GOLGA2: variants seen among roughly 807,000 people sequenced by gnomAD.
The protein encoded by GOLGA2 is golgin subfamily A member 2.
A neutral mutation model predicts 148.8 loss-of-function variants in GOLGA2; 49 were observed. That is an observed-to-expected ratio of 0.33 (90% CI 0.26 to 0.42). The LOEUF is 0.42. Ranked by LOEUF, GOLGA2 falls within the 10% of genes least tolerant of loss-of-function variation. The pLI is 1.00. For synonymous variants in GOLGA2, 501 were observed against 511.8 expected (o/e 0.98, Z 0.28); for missense variants, 1,178 against 1,304.6 (o/e 0.90, Z 1.49).
rs1370999651 is a variant in GOLGA2, at chr9:128,266,512, T to C, written c.643-187A>G. 1.6e-6 allele frequency: 1 copy of C among 613,182 alleles called. No individual in the cohort carries two copies. Among genetic ancestry groups the C allele is most frequent in the East Asian group, 2.7e-5 (1 of 36,556 alleles). The allele number at this position is 613,182 out of a possible 1,614,324, so 38.0% of individuals were successfully genotyped here. A position where few individuals can be genotyped will look rare whatever the true frequency, so the allele number is the denominator to read the frequency against. ...AGGGGATTTGTGTCTTTGTTGGTTTTTGCCCACAGCCACAGAACTGAAAGT... is the reference window on the plus strand; with the variant it reads ...AGGGGATTTGTGTCTTTGTTGGTTTCTGCCCACAGCCACAGAACTGAAAGT... On this transcript the variant is annotated intron_variant, in intron 8 of 26. Coordinates refer to ENST00000611957, the MANE Select transcript of GOLGA2 (RefSeq NM_001366244.2). This position sits in a 1 kb window ranked among gnomAD's most constrained non-coding sequence, Gnocchi z 4.2.
Position 128,261,776 on chromosome 9 carries a change from G to A in GOLGA2, c.1135-19C>T. 1 of 1,571,096 alleles carries A rather than the reference G, an allele frequency of 6.4e-7. No individual in the cohort carries two copies. The highest frequency in any genetic ancestry group is 8.8e-7 in the Non-Finnish European group (1 of 1,140,708). ...TTGAAAACTGGATGGTGAAGAGCGA[G>A]AAGTTTAGATCTGGGGAGCCCAGGC... is the stretch of plus-strand genomic sequence containing the variant. On this transcript the variant is annotated intron_variant, in intron 14 of 26. Transcript: ENST00000611957. The surrounding 1 kb of genome is among the most constrained non-coding windows in gnomAD (Gnocchi z 5.7).
rs1167431950 is a variant in GOLGA2 at position 128,259,063 on chromosome 9, G to A, written c.2117C>T (p.Thr706Ile). 2 of 1,611,748 alleles carry A rather than the reference G, an allele frequency of 1.2e-6. No homozygotes were observed. The highest frequency in any genetic ancestry group is 1.3e-5 in the African/African-American group (1 of 74,902). ...GGCCCGTAGCTGCTGATTCTGCTGG[G>A]TGGCAGCTTCCAGGCGCTCCTAAGG... is the stretch of plus-strand genomic sequence containing the variant. ...QETQERLEAA[T>I]QQNQQLRAQL... The change falls in exon 21 of 27, where the codon ACC becomes ATC. Residue 706 changes from threonine (T) to isoleucine (I), a missense_variant. Around this residue, in one of 5 missense-constraint regions of GOLGA2, gnomAD observed 529 missense variants for 521.8 expected, o/e 1.01. Transcript: ENST00000611957.
rs774867547 is a variant in GOLGA2, at chr9:128,267,214, T to C, written c.622A>G (p.Asn208Asp). The change falls in exon 8 of 27, where the codon AAT (asparagine) becomes GAT (aspartate). Residue 208 changes from asparagine (N) to aspartate (D), a missense_variant. Around this residue, in one of 5 missense-constraint regions of GOLGA2, gnomAD observed 304 missense variants for 404.1 expected, o/e 0.75. Transcript: ENST00000611957. Reference sequence around the variant, plus strand: ...CTTACCAATTTCTCTATCGTGATATTGAGTTGTTTGTTTGTTACATAGCTG... The same window carrying C: ...CTTACCAATTTCTCTATCGTGATATCGAGTTGTTTGTTTGTTACATAGCTG... ...DSSYVTNKQLNITIEKLKQQN... is the reference protein window; with the variant it reads ...DSSYVTNKQLDITIEKLKQQN... The C allele has an allele frequency of 5.6e-6, 9 of 1,600,748 alleles. No individual in the cohort carries two copies. Among genetic ancestry groups the C allele is most frequent in the Non-Finnish European group, 7.7e-6 (9 of 1,167,986 alleles).
At chr9:128,259,524 C>A (rs547428164) in intron 19 of GOLGA2, 133 bp from the exon 20 acceptor site, 6 of 621,036 alleles carry the variant, frequency 9.7e-6, no homozygotes, top group African/African-American at 9.2e-5. Context: ...TGACTGCCTC[C>A]CTTGTCTAGA....
intron 6 of GOLGA2, among the ~76,000 whole-genome samples, chr9:128,267,729 T>C (rs181203992): frequency 1.2e-4 from 19 of 152,296 alleles, no homozygotes; most frequent in African/African-American, 4.6e-4. Context: ...TGCAGCAGGA[T>C]ACAATGATGC....
intron 1 of GOLGA2, 143 bp from the exon 2 acceptor site, chr9:128,274,115 T>A: frequency 1.3e-6 from 1 of 787,284 alleles, no homozygotes; most frequent in Non-Finnish European, 2.1e-6. Flanking sequence ...CACAATCACT[T>A]AGTGACTGAG....
rs780025622 is a variant in GOLGA2, at chr9:128,267,494, C to A, written c.525G>T (p.Glu175Asp). ...TCAGGTTAGCAGACGATGCAGGGCCCTCCCCATTGACACATGTCGCAGACT... is the reference window on the plus strand; with the variant it reads ...TCAGGTTAGCAGACGATGCAGGGCCATCCCCATTGACACATGTCGCAGACT... ...VCESATCVNG[E>D]GPASSANLKD... Residue 175 changes from glutamate (E) to aspartate (D), a missense_variant, in exon 7 of 27, where the codon GAG (glutamate) becomes GAT (aspartate). Glu to Asp is a conservative substitution (Grantham distance 45). This residue lies in a region of GOLGA2 where 304 missense variants were observed against 404.1 expected (regional missense o/e 0.75). Transcript: ENST00000611957. 1.2e-6 allele frequency: 2 copies of A among 1,613,436 alleles called. No homozygotes were observed. Among genetic ancestry groups the A allele is most frequent in the Non-Finnish European group, 1.7e-6 (2 of 1,179,366 alleles).
intron 14 of GOLGA2, 60 bp downstream of exon 14, chr9:128,262,503 C>T: frequency 6.4e-7 from 1 of 1,553,494 alleles, no homozygotes. Context: ...CTGCATGATC[C>T]CTAGACCATG....
In GOLGA2 at chr9:128,272,826, G is replaced by T; in HGVS notation, c.247C>A (p.Arg83Ser). Reference sequence around the variant, plus strand: ...GGGGGGAGCGCTACCCCATTGGAACGGTTAAGGTCGGACACCAGCACCTTC... The same window carrying T: ...GGGGGGAGCGCTACCCCATTGGAACTGTTAAGGTCGGACACCAGCACCTTC... Reference protein sequence around the residue: ...ILKVLVSDLNRSNGVALPPLD... With the variant: ...ILKVLVSDLNSSNGVALPPLD... Residue 83 changes from arginine to serine, a missense_variant, in exon 3 of 27, where the codon CGT (arginine) becomes AGT (serine). Arg to Ser is a moderately radical substitution (Grantham distance 110, BLOSUM62 -1). Transcript: ENST00000611957. 7.8e-7 allele frequency: 1 copy of T among 1,282,434 alleles called. No individual in the cohort carries two copies. Among genetic ancestry groups the T allele is most frequent in the Non-Finnish European group, 1.0e-6 (1 of 984,382 alleles). 79.4% of individuals were successfully genotyped at this position (1,282,434 alleles called of 1,614,324 possible). A position where few individuals can be genotyped will look rare whatever the true frequency, so the allele number is the denominator to read the frequency against.
intron 1 of GOLGA2, among the ~76,000 whole-genome samples, chr9:128,274,568 G>C (rs1831184858): frequency 6.6e-6 from 1 of 152,190 alleles, no homozygotes; most frequent in Non-Finnish European, 1.5e-5. Flanking sequence ...ACTGTACACT[G>C]TGTGGTTTAG....
At position 128,261,852 on chromosome 9, in the gene GOLGA2, C is replaced by T; in HGVS notation, c.1135-95G>A. Reference sequence around the variant, plus strand: ...GGCTAGGGCTAGGCTCAATGTGCAACTCAGTCAATACAACTCTGCTGTCAA... The same window carrying T: ...GGCTAGGGCTAGGCTCAATGTGCAATTCAGTCAATACAACTCTGCTGTCAA... On this transcript the variant is annotated intron_variant, in intron 14 of 26. Transcript: ENST00000611957. This position sits in a 1 kb window ranked among gnomAD's most constrained non-coding sequence, Gnocchi z 5.7. The T allele has an allele frequency of 1.3e-6, 1 of 742,432 alleles. No homozygotes were observed. Among genetic ancestry groups the T allele is most frequent in the Non-Finnish European group, 2.4e-6 (1 of 410,904 alleles). The allele number at this position is 742,432 out of a possible 1,614,324, so 46.0% of individuals were successfully genotyped here. A position where few individuals can be genotyped will look rare whatever the true frequency, so the allele number is the denominator to read the frequency against.
At chr9:128,270,605 C>G (rs1175690354) in intron 3 of GOLGA2, among the ~76,000 whole-genome samples, 4 of 152,138 alleles carry the variant, frequency 2.6e-5, no homozygotes, top group Admixed American at 6.6e-5. Flanking sequence ...TTATTCCCTA[C>G]TTCTGGAAAT....
intron 12 of GOLGA2, among the ~76,000 whole-genome samples, chr9:128,263,673 C>T (rs1228038413): frequency 6.6e-6 from 1 of 151,788 alleles, no homozygotes; most frequent in Non-Finnish European, 1.5e-5. Flanking sequence ...CCGTCTCAGC[C>T]TCCCAAAGTG....
chr9:128,258,388 C>T lies in GOLGA2; in HGVS notation c.2289+67G>A. ...AATCAGAAGGCCGGGAAACCAAGAG[C>T]AGAAGGGGGTCTGGGAGGGACCACA... On this transcript the variant is annotated intron_variant, in intron 22 of 26. Transcript: ENST00000611957. This position sits in a 1 kb window ranked among gnomAD's most constrained non-coding sequence, Gnocchi z 6.6. 8 of 1,414,014 alleles carry T rather than the reference C, an allele frequency of 5.7e-6. No homozygotes were observed. The highest frequency in any genetic ancestry group is 8.0e-6 in the Non-Finnish European group (8 of 1,001,690). 87.6% of individuals were successfully genotyped at this position (1,414,014 alleles called of 1,614,324 possible).
chr9:128,264,226 C>T (rs1399640178), intron 12 of GOLGA2, among the ~76,000 whole-genome samples: 2 of 149,990 alleles, frequency 1.3e-5, no homozygotes, highest in Admixed American at 6.7e-5. Flanking sequence ...TATGTATGTA[C>T]GTATGTATGT....
rs551642844 is a variant in GOLGA2, at chr9:128,262,955, T to A, written c.992+79A>T. On this transcript the variant is annotated intron_variant, in intron 13 of 26. Transcript: ENST00000611957. ...ACCTCTATGACTACCTCATCATGCT[T>A]ACCTGTACCCCCCACCTCCCAGCAC... is the stretch of plus-strand genomic sequence containing the variant. 3.0e-4 allele frequency: 303 copies of A among 1,001,448 alleles called. 2 individuals carry two copies. Among genetic ancestry groups the A allele is most frequent in the Non-Finnish European group, 4.4e-4 (274 of 625,444 alleles). The allele number at this position is 1,001,448 out of a possible 1,614,324, so 62.0% of individuals were successfully genotyped here. A position where few individuals can be genotyped will look rare whatever the true frequency, so the allele number is the denominator to read the frequency against.
At chr9:128,259,702 C>T (rs1284726940) in intron 19 of GOLGA2, among the ~76,000 whole-genome samples, 1 of 152,244 alleles carries the variant, frequency 6.6e-6, no homozygotes, top group African/African-American at 2.4e-5. Flanking sequence ...AGCACCTCTG[C>T]AAGGAAGATG....
chr9:128,267,077 C>G (rs1246444349), intron 8 of GOLGA2, 117 bp downstream of exon 8: 1 of 781,896 alleles, frequency 1.3e-6, no homozygotes, highest in South Asian at 1.4e-5. Context: ...CTGGGCCCCC[C>G]AGCTCCCCAT....
intron 1 of GOLGA2, among the ~76,000 whole-genome samples, 165 bp downstream of exon 1, chr9:128,275,728 C>T (rs1208310821): frequency 6.6e-6 from 1 of 151,844 alleles, no homozygotes; most frequent in Admixed American, 6.6e-5. Context: ...GGCTGGGCGG[C>T]TGAGGGGGCG....
Sources: gnomAD v4.1 joint callset for allele counts (sites outside exome capture counted in the v4.1 genomes callset) on GRCh38, gnomAD v4.1.1 for gene constraint, gnomAD v4.1.1 regional missense constraint, Gnocchi (gnomAD v3.1) non-coding constraint, MANE v1.5 for transcripts, NCBI Gene and HGNC (gene_info 2026-07-23, HGNC 2026-07-21) for gene names.